KCNB2: variants seen among roughly 807,000 people sequenced by gnomAD.
KCNB2 encodes the protein potassium voltage-gated channel subfamily B member 2.
In KCNB2, 15 loss-of-function variants were observed where a neutral mutation model predicts 61.5. The ratio of observed to expected loss-of-function variants is 0.24; its 90% CI spans 0.16 to 0.38. The LOEUF is 0.38. Ranked by LOEUF, KCNB2 falls within the 10% of genes least tolerant of loss-of-function variation. The pLI is 1.00. For synonymous variants in KCNB2, 457 were observed against 446.0 expected (o/e 1.02, Z -0.31); for missense variants, 828 against 1,125.2 (o/e 0.74, Z 3.78).
chr8:72,804,065 G>T (rs1303234077), intron 2 of KCNB2, among the ~76,000 whole-genome samples: 1 of 152,190 alleles, frequency 6.6e-6, no homozygotes, highest in Non-Finnish European at 1.5e-5. Flanking sequence ...GGGTCTGCTT[G>T]TGAGGACTTG....
intron 2 of KCNB2, among the ~76,000 whole-genome samples, chr8:72,628,398 GGGGTGTGT>G (rs767740004): frequency 4.7e-4 from 7 of 14,822 alleles, no homozygotes; most frequent in African/African-American, 6.8e-4. Flanking sequence ...CTCCTGTTAG[GGGGTGTGT>G]GTGTGTGTGT....
intron 2 of KCNB2, among the ~76,000 whole-genome samples, chr8:72,849,888 A>G (rs1810063739): frequency 6.6e-6 from 1 of 152,160 alleles, no homozygotes; most frequent in East Asian, 1.9e-4. Flanking sequence ...ATGTGCATCC[A>G]GGTAATCAAA....
intron 2 of KCNB2, among the ~76,000 whole-genome samples, chr8:72,573,505 G>A (rs560980030): frequency 1.3e-5 from 2 of 152,348 alleles, no homozygotes; most frequent in Admixed American, 1.3e-4. Flanking sequence ...GAACAACACA[G>A]AAACCCCTCT....
At chr8:72,639,741 C>T (rs1209672549) in intron 2 of KCNB2, among the ~76,000 whole-genome samples, 3 of 151,980 alleles carry the variant, frequency 2.0e-5, no homozygotes, top group African/African-American at 7.2e-5. Context: ...AGGTGCCAGG[C>T]CCGCCGGAGA....
chr8:72,901,058 C>T (rs957796538), intron 2 of KCNB2, among the ~76,000 whole-genome samples: 6 of 152,142 alleles, frequency 3.9e-5, no homozygotes, highest in Non-Finnish European at 8.8e-5. Flanking sequence ...GCACTATTCA[C>T]AATAGCAAAG....
chr8:72,621,310 G>T (rs1805709865), intron 2 of KCNB2, among the ~76,000 whole-genome samples: 1 of 152,138 alleles, frequency 6.6e-6, no homozygotes, highest in African/African-American at 2.4e-5. Flanking sequence ...TGGTAGTCAA[G>T]ATCCGCAGAA....
rs190777983 is a variant in KCNB2, at chr8:72,768,032, T to A, written c.580-167903T>A. Among the ~76,000 whole-genome samples, 6 of 152,380 alleles carry A rather than the reference T, an allele frequency of 3.9e-5. No individual in the cohort carries two copies. The East Asian group carries it at 1.2e-3, about 29-fold the overall frequency. On this transcript the variant is annotated intron_variant, in intron 2 of 2. Transcript: ENST00000523207. ...ATATTTCCTTTGGAGAAAAGTGTAT[T>A]CAAATCCTTTGCTTATTGTTAATTG...
chr8:72,860,470 A>G (rs1810281896), intron 2 of KCNB2, among the ~76,000 whole-genome samples: 1 of 152,212 alleles, frequency 6.6e-6, no homozygotes, highest in Admixed American at 6.5e-5. Flanking sequence ...AGTCATTTGT[A>G]TTAAAGCCTG....
rs1554544463 is a variant in KCNB2, at chr8:72,920,473, C to CTATATATATATA, written c.580-15458_580-15447dup. On this transcript the variant is annotated intron_variant, in intron 2 of 2. Transcript: ENST00000523207. ...TCTATCTATCTATCTATCTATCTAT[C>CTATATATATATA]TATATATATATATATTAGCTGGCCA... Among the ~76,000 whole-genome samples, 27 of 78,798 alleles carry CTATATATATATA rather than the reference C, an allele frequency of 3.4e-4. 2 individuals are homozygous for CTATATATATATA. Among genetic ancestry groups the CTATATATATATA allele is most frequent in the African/African-American group, 1.2e-3 (26 of 22,180 alleles). 51.7% of individuals were successfully genotyped at this position (78,798 alleles called of 152,430 possible).
At chr8:72,611,437 C>G (rs977099615) in intron 2 of KCNB2, among the ~76,000 whole-genome samples, 8 of 152,196 alleles carry the variant, frequency 5.3e-5, no homozygotes, top group African/African-American at 1.9e-4. Context: ...GTGACCCCAG[C>G]ACACTAAAGT....
At chr8:72,790,091 T>G (rs912536237) in intron 2 of KCNB2, among the ~76,000 whole-genome samples, 2 of 152,140 alleles carry the variant, frequency 1.3e-5, no homozygotes, top group Non-Finnish European at 2.9e-5. Context: ...ATTTAGATAC[T>G]CTCAGTTGCT....
At chr8:72,742,709 G>A (rs1807983159) in intron 2 of KCNB2, among the ~76,000 whole-genome samples, 1 of 152,138 alleles carries the variant, frequency 6.6e-6, no homozygotes, top group Non-Finnish European at 1.5e-5. Flanking sequence ...TTTCTCCAGA[G>A]ACCTGGCTTT....
At chr8:72,851,010 T>A (rs1810094797) in intron 2 of KCNB2, among the ~76,000 whole-genome samples, 1 of 152,222 alleles carries the variant, frequency 6.6e-6, no homozygotes, top group Non-Finnish European at 1.5e-5. Flanking sequence ...TGGCATGGCA[T>A]AAACCAAGGC....
At chr8:72,651,143 C>T (rs866980349) in intron 2 of KCNB2, among the ~76,000 whole-genome samples, 2 of 152,116 alleles carry the variant, frequency 1.3e-5, no homozygotes, top group African/African-American at 4.8e-5. Flanking sequence ...AAACACTAAG[C>T]GTAGCCTAAT....
intron 2 of KCNB2, among the ~76,000 whole-genome samples, chr8:72,689,486 A>G (rs906494642): frequency 3.9e-5 from 6 of 152,198 alleles, no homozygotes; most frequent in African/African-American, 1.4e-4. Flanking sequence ...TGCAAGGACT[A>G]CCATGTCCTA....
chr8:72,862,174 G>T (rs578192368), intron 2 of KCNB2, among the ~76,000 whole-genome samples: 1 of 152,042 alleles, frequency 6.6e-6, no homozygotes, highest in African/African-American at 2.4e-5. Flanking sequence ...AGAAATATTT[G>T]GTTGCATCTT....
At chr8:72,778,915 G>A (rs143410472) in intron 2 of KCNB2, among the ~76,000 whole-genome samples, 1 of 152,112 alleles carries the variant, frequency 6.6e-6, no homozygotes, top group East Asian at 1.9e-4. Context: ...GCCAAGTATA[G>A]CATTTGGCTG....
intron 2 of KCNB2, among the ~76,000 whole-genome samples, chr8:72,912,924 A>T (rs1402793383): frequency 6.6e-6 from 1 of 152,156 alleles, no homozygotes; most frequent in Middle Eastern, 3.2e-3. Context: ...GCAGCTTCAC[A>T]TACCTAGAAG....
chr8:72,611,852 T>C (rs995727165), intron 2 of KCNB2, among the ~76,000 whole-genome samples: 1 of 152,174 alleles, frequency 6.6e-6, no homozygotes, highest in Middle Eastern at 3.2e-3. Context: ...CCATTTTTTT[T>C]TTCTGGATCC....
Sources: gnomAD v4.1 joint callset for allele counts (sites outside exome capture counted in the v4.1 genomes callset) on GRCh38, gnomAD v4.1.1 for gene constraint, MANE v1.5 for transcripts, NCBI Gene and HGNC (gene_info 2026-07-23, HGNC 2026-07-21) for gene names.